The following CYB5R4 variants were observed in gnomAD, a reference collection of about 807,000 sequenced individuals.
CYB5R4 encodes the protein N-terminal cytochrome b5 and cytochrome b5 oxidoreductase domain-containing protein.
Under a neutral mutation model 70.2 loss-of-function variants are expected in CYB5R4, and 55 were observed. The observed-to-expected ratio is 0.78, with a 90% CI of 0.63 to 0.98. The LOEUF (loss-of-function observed/expected upper bound fraction) is 0.98. Ranked by LOEUF, CYB5R4 falls within the 50% of genes least tolerant of loss-of-function variation. The pLI, the probability that CYB5R4 is intolerant of heterozygous loss-of-function variation, is 0.00. For missense variants in CYB5R4, 562 were observed against 612.6 expected, an observed-to-expected ratio of 0.92 and a Z score of 0.87; for synonymous variants, 197 against 199.5, an observed-to-expected ratio of 0.99 and a Z score of 0.11.
At chr6:83,922,927 C>G (rs1236109112) in intron 9 of CYB5R4, among the ~76,000 whole-genome samples, 1 of 151,928 alleles carries the variant, frequency 6.6e-6, no homozygotes, top group African/African-American at 2.4e-5. Context: ...TAGTTGAGAT[C>G]ACAGTACACA....
intron 10 of CYB5R4, among the ~76,000 whole-genome samples, chr6:83,932,113 T>C (rs149556974): frequency 2.1e-3 from 316 of 152,252 alleles, no homozygotes; most frequent in African/African-American, 7.2e-3. Flanking sequence ...TTTCTTATCT[T>C]ATATACTGCA....
chr6:83,913,194 A>G (rs938510843), intron 4 of CYB5R4, among the ~76,000 whole-genome samples: 2 of 151,792 alleles, frequency 1.3e-5, no homozygotes, highest in African/African-American at 4.8e-5. Context: ...ACTGGATGAA[A>G]GTACATGGCC....
chr6:83,887,231 A>G (rs2099460394), intron 2 of CYB5R4, among the ~76,000 whole-genome samples: 1 of 152,142 alleles, frequency 6.6e-6, no homozygotes, highest in Non-Finnish European at 1.5e-5. Context: ...CAGATGCTGG[A>G]TGATGCTTTG....
chr6:83,906,348 A>G (rs1175182891), intron 3 of CYB5R4, among the ~76,000 whole-genome samples: 1 of 152,086 alleles, frequency 6.6e-6, no homozygotes, highest in Non-Finnish European at 1.5e-5. Flanking sequence ...TACAGTGTGC[A>G]GTTTGTTGGG....
chr6:83,922,083 A>C (rs917547200), intron 8 of CYB5R4, among the ~76,000 whole-genome samples: 6 of 152,120 alleles, frequency 3.9e-5, no homozygotes, highest in African/African-American at 1.4e-4. Context: ...ACACACTCAC[A>C]CACTGGGGCT....
intron 10 of CYB5R4, among the ~76,000 whole-genome samples, chr6:83,928,727 G>A (rs1588579477): frequency 6.6e-6 from 1 of 152,066 alleles, no homozygotes; most frequent in Non-Finnish European, 1.5e-5. Flanking sequence ...AATAGAAAAG[G>A]GACAATGGAA....
At chr6:83,875,328 C>G (rs1195488728) in intron 2 of CYB5R4, among the ~76,000 whole-genome samples, 1 of 152,044 alleles carries the variant, frequency 6.6e-6, no homozygotes, top group African/African-American at 2.4e-5. Flanking sequence ...CTAGGCTGGA[C>G]CCAAACTCCT....
chr6:83,876,976 C>T (rs1037669290), intron 2 of CYB5R4, among the ~76,000 whole-genome samples: 2 of 152,016 alleles, frequency 1.3e-5, no homozygotes, highest in African/African-American at 4.8e-5. Context: ...GGAGTACAGG[C>T]GTGTGCTACC....
chr6:83,919,760 CTGTGTGTGTGTGTGTGTGTGTGTG>C lies in CYB5R4; in HGVS notation c.564+324_564+347del, dbSNP rs58002492. Among the ~76,000 whole-genome samples the C allele has an allele frequency of 4.2e-3, 598 of 142,084 alleles. 22 individuals carry two copies. Among genetic ancestry groups the C allele is most frequent in the Admixed American group, 0.038 (544 of 14,226 alleles). 93.2% of individuals were successfully genotyped at this position (142,084 alleles called of 152,430 possible). The stretch of plus-strand genomic sequence containing the variant: ...AGTAGGAAGTATTTTATGTGTTTTT[CTGTGTGTGTGTGTGTGTGTGTGTG>C]TGTGTGTGTGTGTGTGTAAAGCATG... On this transcript the variant is annotated intron_variant, in intron 7 of 15. Transcript: ENST00000369681.
chr6:83,936,308 A>C lies in CYB5R4; in HGVS notation c.1040A>C (p.Tyr347Ser), dbSNP rs944921741. The change falls in exon 12 of 16, where the codon TAC (tyrosine) becomes TCC (serine). Residue 347 changes from tyrosine (Y) to serine (S), a missense_variant. Tyr to Ser is a moderately radical substitution (Grantham distance 144). Transcript: ENST00000369681. ...FKEPVLPNNK[Y>S]IYFLIKIYPT... ...GAACCAGTTCTTCCCAACAATAAAT[A>C]CATCTACTTTTTGATAAAAATCTAT... 3 of 1,612,546 alleles carry C rather than the reference A, an allele frequency of 1.9e-6. No individual in the cohort carries two copies. In the African/African-American group the frequency reaches 4.0e-5, roughly 22 times the overall value.
At chr6:83,861,905 G>A (rs1188915514) in intron 1 of CYB5R4, among the ~76,000 whole-genome samples, 1 of 152,150 alleles carries the variant, frequency 6.6e-6, no homozygotes, top group African/African-American at 2.4e-5. Flanking sequence ...ATATGCTGCA[G>A]GAAATTTTGT....
chr6:83,863,480 A>G (rs999664713), intron 1 of CYB5R4, among the ~76,000 whole-genome samples: 5 of 152,250 alleles, frequency 3.3e-5, no homozygotes, highest in African/African-American at 1.2e-4. Context: ...CAGAAAATCA[A>G]CTATAGTTAA....
At chr6:83,899,026 C>T (rs571529385) in intron 3 of CYB5R4, among the ~76,000 whole-genome samples, 50 of 152,230 alleles carry the variant, frequency 3.3e-4, no homozygotes, top group African/African-American at 9.4e-4. Context: ...TGAGAGAGGG[C>T]GTCCCTGTGT....
Position 83,955,439 on chromosome 6 carries a change from G to A in CYB5R4, c.1488G>A (p.Val496=). 5.0e-6 allele frequency: 8 copies of A among 1,613,770 alleles called. No homozygotes were observed. Among genetic ancestry groups the A allele is most frequent in the Non-Finnish European group, 6.8e-6 (8 of 1,179,808 alleles). The change falls in exon 15 of 16, where the codon GTG becomes GTA. Residue 496 remains valine, a synonymous_variant. Coordinates refer to ENST00000369681, the MANE Select transcript of CYB5R4 (RefSeq NM_016230.4). ...TTCTCGTCTGCATTTGTGGACCAGT[G>A]CCATTTACAGAACAAGGAGTAAGGT... The part of the protein sequence containing the change: ...SKVLVCICGP[V]PFTEQGVRLL...
intron 3 of CYB5R4, among the ~76,000 whole-genome samples, chr6:83,896,171 T>C (rs1436471833): frequency 6.6e-6 from 1 of 152,168 alleles, no homozygotes; most frequent in Non-Finnish European, 1.5e-5. Flanking sequence ...GATCTGTCTT[T>C]TTCTCCCTTC....
chr6:83,896,653 T>C (rs1314329765), intron 3 of CYB5R4, among the ~76,000 whole-genome samples: 1 of 152,220 alleles, frequency 6.6e-6, no homozygotes, highest in Non-Finnish European at 1.5e-5. Context: ...ATAACACATT[T>C]TCTTTATTTA....
chr6:83,861,554 C>T (rs1210580227), intron 1 of CYB5R4, among the ~76,000 whole-genome samples: 1 of 152,196 alleles, frequency 6.6e-6, no homozygotes, highest in Admixed American at 6.5e-5. Flanking sequence ...TGGGTTTTCT[C>T]TGGGTACTCT....
intron 5 of CYB5R4, among the ~76,000 whole-genome samples, chr6:83,917,201 A>G (rs970780604): frequency 3.3e-5 from 5 of 152,100 alleles, no homozygotes; most frequent in Admixed American, 3.3e-4. Flanking sequence ...GCATACCCAC[A>G]AGAGTGAGTA....
chr6:83,953,161 C>T (rs1216715844), intron 14 of CYB5R4, among the ~76,000 whole-genome samples: 1 of 152,060 alleles, frequency 6.6e-6, no homozygotes, highest in Admixed American at 6.6e-5. Context: ...ATATGCCTTC[C>T]TGAAGATTTA....
Sources: allele counts gnomAD v4.1 joint callset (sites outside exome capture counted in the v4.1 genomes callset), GRCh38; gene constraint gnomAD v4.1.1; transcripts MANE v1.5; gene names NCBI Gene and HGNC (gene_info 2026-07-23, HGNC 2026-07-21).